The following OAT variants were observed in gnomAD, a reference collection of about 807,000 sequenced individuals.
OAT encodes ornithine aminotransferase, also known as ornithine aminotransferase, mitochondrial.
In OAT, 35 loss-of-function variants were observed where a neutral mutation model predicts 48.4. The ratio of observed to expected loss-of-function variants is 0.72; its 90% confidence interval spans 0.55 to 0.96. The LOEUF (loss-of-function observed/expected upper bound fraction) is 0.96, where lower values mean the gene tolerates loss of function less well. Among genes scored for constraint, OAT ranks in the 40% least tolerant of loss-of-function variants. The pLI is 0.00. For missense variants in OAT, 438 were observed against 537.9 expected (o/e 0.81, Z 1.84); for synonymous variants, 182 against 198.4 (o/e 0.92, Z 0.70).
chr10:124,415,546 T>G (rs1951892196), intron 1 of OAT, among the ~76,000 whole-genome samples: 1 of 152,242 alleles, frequency 6.6e-6, no homozygotes, highest in Admixed American at 6.5e-5. Context: ...AAGAACCTTC[T>G]GTGTTCAAGT....
intron 2 of OAT, 149 bp downstream of exon 2, chr10:124,411,824 A>G (rs1589716052): frequency 1.6e-5 from 12 of 749,060 alleles, no homozygotes; most frequent in Middle Eastern, 7.6e-4. Flanking sequence ...TCAAAAAAAA[A>G]AAAAAAAAAA....
At position 124,408,752 on chromosome 10, in the gene OAT, G is replaced by A. The variant is rs1951673489; in HGVS notation, c.413C>T (p.Pro138Leu). The A allele has an allele frequency of 6.2e-7, 1 of 1,605,614 alleles. No homozygotes were observed. The highest frequency in any genetic ancestry group is 1.9e-4 in the Middle Eastern group (1 of 5,246). The part of the protein sequence containing the change: ...TKLFNYHKVL[P>L]MNTGVEAGET... Reference sequence around the variant, plus strand: ...AGGAAATGTTTTACCTGTATTCATAGGAAGAACTTTGTGGTAGTTGAAAAG... The same window carrying A: ...AGGAAATGTTTTACCTGTATTCATAAGAAGAACTTTGTGGTAGTTGAAAAG... Residue 138 changes from proline to leucine, a missense_variant, in exon 3 of 10, where the codon CCT becomes CTT. Physicochemically the swap from Pro to Leu is moderately conservative, Grantham distance 98 (BLOSUM62 -3). Coordinates refer to ENST00000368845, the MANE Select transcript of OAT (RefSeq NM_000274.4).
chr10:124,398,739 G>A (rs1249617896), intron 9 of OAT, among the ~76,000 whole-genome samples: 2 of 151,698 alleles, frequency 1.3e-5, no homozygotes, highest in African/African-American at 4.8e-5. Flanking sequence ...GGTATAGGCT[G>A]GATGCAGTGG....
At chr10:124,401,994 G>A (rs938554023) in intron 7 of OAT, among the ~76,000 whole-genome samples, 155 bp from the exon 8 acceptor site, 3 of 152,028 alleles carry the variant, frequency 2.0e-5, no homozygotes, top group African/African-American at 4.8e-5. Context: ...CAATTCTCCT[G>A]CCTCAGCCTC....
intron 4 of OAT, 140 bp from the exon 5 acceptor site, chr10:124,405,703 T>A: frequency 6.6e-7 from 1 of 1,505,386 alleles, no homozygotes; most frequent in Non-Finnish European, 8.9e-7. Flanking sequence ...GGGCTTTCAA[T>A]TGTTAAAACA....
intron 4 of OAT, among the ~76,000 whole-genome samples, chr10:124,408,317 G>GTATA (rs1173599560): frequency 2.4e-5 from 2 of 83,216 alleles, no homozygotes; most frequent in African/African-American, 4.7e-5. Flanking sequence ...GTGTGTGTGT[G>GTATA]TATATATATA....
intron 2 of OAT, among the ~76,000 whole-genome samples, chr10:124,411,155 A>AAAAAG (rs1951735765): frequency 1.4e-5 from 2 of 145,832 alleles, no homozygotes; most frequent in Admixed American, 1.4e-4. Flanking sequence ...AAAAAAAAAA[A>AAAAAG]AAAAAAAAAG....
chr10:124,405,132 A>T (rs1008358875), intron 5 of OAT, among the ~76,000 whole-genome samples: 1 of 152,220 alleles, frequency 6.6e-6, no homozygotes, highest in East Asian at 1.9e-4. Flanking sequence ...CTTCCACTTC[A>T]TAATTTTAAA....
At chr10:124,404,134 T>C (rs1033426460) in intron 5 of OAT, among the ~76,000 whole-genome samples, 2 of 152,172 alleles carry the variant, frequency 1.3e-5, no homozygotes, top group African/African-American at 4.8e-5. Context: ...TTTTGCCTCA[T>C]TCTGTTGCCC....
At chr10:124,402,838 A>G in intron 7 of OAT, 89 bp downstream of exon 7, 3 of 1,543,346 alleles carry the variant, frequency 1.9e-6, no homozygotes, top group Non-Finnish European at 1.8e-6. Flanking sequence ...ATCTGAAAGC[A>G]TTGTTGTCAC....
chr10:124,415,710 T>C (rs114940574), intron 1 of OAT, among the ~76,000 whole-genome samples: 4,598 of 152,236 alleles, frequency 0.03, 247 homozygotes, highest in African/African-American at 0.1. Flanking sequence ...TTAAATTCTG[T>C]CTGTGGTTCT....
At chr10:124,404,023 G>A (rs1951500971) in intron 5 of OAT, 103 bp from the exon 6 acceptor site, 2 of 1,375,300 alleles carry the variant, frequency 1.5e-6, no homozygotes, top group Non-Finnish European at 2.0e-6. Flanking sequence ...TGCAAATCAA[G>A]TTTTCGCACT....
At chr10:124,405,406 G>T in intron 5 of OAT, 30 bp downstream of exon 5, 2 of 1,612,310 alleles carry the variant, frequency 1.2e-6, no homozygotes, top group Non-Finnish European at 1.7e-6. Context: ...TATTCCCAAT[G>T]AGCTGAGCAC....
At chr10:124,404,069 AT>A in intron 5 of OAT, 149 bp from the exon 6 acceptor site, 1 of 893,198 alleles carries the variant, frequency 1.1e-6, no homozygotes, top group Non-Finnish European at 1.8e-6. Context: ...CTGCCATTCA[AT>A]TATCAGAAGC....
At chr10:124,408,313 GTGTGTATATATATATA>G (rs1257714989) in intron 4 of OAT, among the ~76,000 whole-genome samples, 155 of 60,928 alleles carry the variant, frequency 2.5e-3, no homozygotes, top group African/African-American at 0.011. Flanking sequence ...GTGTGTGTGT[GTGTGTATATATATATA>G]TATATATATA....
Position 124,400,967 on chromosome 10 carries a change from G to T in OAT, c.1032C>A (p.Asn344Lys). Residue 344 changes from asparagine to lysine, a missense_variant, in exon 9 of 10, where the codon AAC becomes AAA. Asn to Lys is a moderately conservative substitution (Grantham distance 94, BLOSUM62 0). Transcript: ENST00000368845. The part of the protein sequence containing the change: ...IAALEVLEEE[N>K]LAENADKLGI... ...CCAATTTGTCTGCATTTTCAGCAAG[G>T]TTTTCTTCTTCTAAAACCTACGTTT... The T allele has an allele frequency of 6.2e-7, 1 of 1,611,398 alleles. No homozygotes were observed. Among genetic ancestry groups the T allele is most frequent in the Non-Finnish European group, 8.5e-7 (1 of 1,178,594 alleles).
At position 124,397,854 on chromosome 10, in the gene OAT, G is replaced by A. The variant is rs1951274419; in HGVS notation, c.*88C>T. 1 of 1,518,896 alleles carries A rather than the reference G, an allele frequency of 6.6e-7. No homozygotes were observed. The highest frequency in any genetic ancestry group is 9.1e-7 in the Non-Finnish European group (1 of 1,096,048). The allele number at this position is 1,518,896 out of a possible 1,614,324, so 94.1% of individuals were successfully genotyped here. A position where few individuals can be genotyped will look rare whatever the true frequency, so the allele number is the denominator to read the frequency against. On this transcript the variant is annotated 3_prime_UTR_variant, in exon 10 of 10. Coordinates refer to ENST00000368845, the MANE Select transcript of OAT (RefSeq NM_000274.4). ...AAAGTTTTTGAAGACTCATGGGAGT[G>A]GAATGTGCCCACATTAGGAATAAAG...
At chr10:124,405,245 G>A (rs1325738457) in intron 5 of OAT, among the ~76,000 whole-genome samples, 191 bp downstream of exon 5, 1 of 152,202 alleles carries the variant, frequency 6.6e-6, no homozygotes, top group Non-Finnish European at 1.5e-5. Flanking sequence ...GCTGTACAGA[G>A]TAGATCACAG....
At chr10:124,403,984 C>T in intron 5 of OAT, 64 bp from the exon 6 acceptor site, 1 of 1,585,478 alleles carries the variant, frequency 6.3e-7, no homozygotes, top group Non-Finnish European at 8.7e-7. Context: ...AATCTGAAAG[C>T]ATATACCACA....
Sources: allele counts gnomAD v4.1 joint callset (sites outside exome capture counted in the v4.1 genomes callset), GRCh38; gene constraint gnomAD v4.1.1; transcripts MANE v1.5; gene names NCBI Gene and HGNC (gene_info 2026-07-23, HGNC 2026-07-21).